The following EML6 variants were observed in gnomAD, a reference collection of about 807,000 sequenced individuals.
EML6 encodes echinoderm microtubule-associated protein-like 6.
A neutral mutation model predicts 240.1 loss-of-function variants in EML6; 154 were observed. The observed-to-expected ratio is 0.64, with a 90% CI of 0.56 to 0.73. EML6 has a LOEUF of 0.73. Ranked by LOEUF, EML6 falls within the 30% of genes least tolerant of loss-of-function variation. The pLI is 0.00. For synonymous variants in EML6, 1,148 were observed against 899.0 expected, an observed-to-expected ratio of 1.28 and a Z score of -4.95; for missense variants, 2,964 against 2,474.6, an observed-to-expected ratio of 1.20 and a Z score of -4.20.
At chr2:54,895,432 C>T in intron 21 of EML6, 32 bp downstream of exon 21, 4 of 1,549,390 alleles carry the variant, frequency 2.6e-6, no homozygotes, top group African/African-American at 2.7e-5. Context: ...AACTGCAGTT[C>T]ACATCAAGGC....
intron 7 of EML6, among the ~76,000 whole-genome samples, chr2:54,837,600 G>A (rs572049896): frequency 2.6e-5 from 4 of 152,264 alleles, no homozygotes; most frequent in African/African-American, 4.8e-5. Flanking sequence ...TGGGCTTTCC[G>A]ATCCAGTGGG....
At chr2:54,909,102 A>C (rs1673502719) in intron 24 of EML6, among the ~76,000 whole-genome samples, 1 of 152,228 alleles carries the variant, frequency 6.6e-6, no homozygotes, top group Non-Finnish European at 1.5e-5. Context: ...GTTGGGATTT[A>C]TCTGAGGATT....
intron 27 of EML6, 52 bp downstream of exon 27, chr2:54,928,566 C>T: frequency 6.4e-7 from 1 of 1,551,254 alleles, no homozygotes; most frequent in Non-Finnish European, 8.7e-7. Flanking sequence ...CCTCCCAACA[C>T]CTCCCTTCCT....
intron 2 of EML6, among the ~76,000 whole-genome samples, chr2:54,794,861 T>C (rs1669669440): frequency 2.0e-5 from 3 of 152,224 alleles, no homozygotes; most frequent in South Asian, 4.1e-4. Flanking sequence ...GTAGCTTCAG[T>C]AGGTTCTGGT....
chr2:54,840,856 T>C (rs751933814), intron 7 of EML6, among the ~76,000 whole-genome samples: 2 of 152,228 alleles, frequency 1.3e-5, no homozygotes, highest in Non-Finnish European at 2.9e-5. Flanking sequence ...ATTATTTGTT[T>C]TTTGCTGATG....
intron 31 of EML6, among the ~76,000 whole-genome samples, chr2:54,953,757 C>T (rs1015041309): frequency 3.3e-5 from 5 of 151,824 alleles, no homozygotes; most frequent in African/African-American, 9.7e-5. Context: ...TGTGGTGGTG[C>T]GTGCCTGTAA....
At chr2:54,807,782 A>G (rs1670576282) in intron 2 of EML6, among the ~76,000 whole-genome samples, 1 of 152,254 alleles carries the variant, frequency 6.6e-6, no homozygotes, top group East Asian at 1.9e-4. Context: ...AATACCTAAC[A>G]GTGGCTGTGA....
chr2:54,817,730 G>A (rs1295176079), intron 4 of EML6, among the ~76,000 whole-genome samples: 2 of 152,052 alleles, frequency 1.3e-5, no homozygotes, highest in Non-Finnish European at 2.9e-5. Context: ...CTGGGCTGTG[G>A]GTTGGACAAG....
At chr2:54,785,840 A>G (rs1669058225) in intron 2 of EML6, among the ~76,000 whole-genome samples, 1 of 152,042 alleles carries the variant, frequency 6.6e-6, no homozygotes, top group Admixed American at 6.6e-5. Context: ...CAAATCTCCA[A>G]AAAAATGTTT....
chr2:54,912,373 T>G (rs913421530), intron 25 of EML6, among the ~76,000 whole-genome samples: 1 of 152,230 alleles, frequency 6.6e-6, no homozygotes, highest in African/African-American at 2.4e-5. Flanking sequence ...GGTAATTTGT[T>G]GACTGCCAGA....
At chr2:54,892,264 A>G in intron 18 of EML6, among the ~76,000 whole-genome samples, 190 bp from the exon 19 acceptor site, 1 of 152,146 alleles carries the variant, frequency 6.6e-6, no homozygotes, top group East Asian at 1.9e-4. Flanking sequence ...GATTCAGTAA[A>G]CACTGAGTTA....
chr2:54,949,656 C>T (rs1675873763), intron 29 of EML6, among the ~76,000 whole-genome samples: 1 of 152,194 alleles, frequency 6.6e-6, no homozygotes, highest in Non-Finnish European at 1.5e-5. Flanking sequence ...TATACATCTT[C>T]CATGCCTCAT....
chr2:54,808,510 C>CT (rs1236671010), intron 2 of EML6, among the ~76,000 whole-genome samples: 7,136 of 146,732 alleles, frequency 0.049, 534 homozygotes, highest in African/African-American at 0.16. Flanking sequence ...CCTGGTGAGA[C>CT]TTTTTTTTTT....
Position 54,970,408 on chromosome 2 carries a change from T to A in EML6, c.*313T>A. ...TCTGATAATGTAGCCCGCTGACGAA[T>A]TTTGAAGCCTCGGTTACCCTAACCA... On this transcript the variant is annotated 3_prime_UTR_variant, in exon 42 of 42. Coordinates refer to ENST00000356458, the MANE Select transcript of EML6 (RefSeq NM_001039753.4). The A allele has an allele frequency of 2.9e-6, 1 of 346,594 alleles. No homozygotes were observed. Among genetic ancestry groups the A allele is most frequent in the East Asian group, 4.6e-5 (1 of 21,510 alleles). The allele number at this position is 346,594 out of a possible 1,614,324, so 21.5% of individuals were successfully genotyped here.
intron 2 of EML6, among the ~76,000 whole-genome samples, chr2:54,746,242 T>C (rs947776322): frequency 2.6e-5 from 4 of 152,230 alleles, no homozygotes; most frequent in Non-Finnish European, 4.4e-5. Flanking sequence ...GCACCTATTC[T>C]GGGAGATTCA....
intron 12 of EML6, among the ~76,000 whole-genome samples, chr2:54,861,213 C>T (rs1255763415): frequency 6.6e-6 from 1 of 152,210 alleles, no homozygotes; most frequent in African/African-American, 2.4e-5. Context: ...AGTGATAAAT[C>T]TAAGCCTACC....
intron 11 of EML6, among the ~76,000 whole-genome samples, chr2:54,855,458 G>GCCC (rs11297060): frequency 1.0e-4 from 13 of 124,194 alleles, no homozygotes; most frequent in African/African-American, 3.6e-4. Context: ...CTTCTACCAT[G>GCCC]CCCCCCCCCC....
intron 26 of EML6, among the ~76,000 whole-genome samples, chr2:54,926,226 C>G (rs764144713): frequency 1.3e-5 from 2 of 152,174 alleles, no homozygotes; most frequent in African/African-American, 4.8e-5. Context: ...CTCAGCCTCC[C>G]AAGTAGCTTG....
intron 32 of EML6, among the ~76,000 whole-genome samples, chr2:54,956,769 A>C (rs1676254559): frequency 6.6e-6 from 1 of 152,222 alleles, no homozygotes; most frequent in African/African-American, 2.4e-5. Flanking sequence ...GATGAGAACG[A>C]AGAAGAAAAA....
Sources: allele counts gnomAD v4.1 joint callset (sites outside exome capture counted in the v4.1 genomes callset), GRCh38; gene constraint gnomAD v4.1.1; transcripts MANE v1.5; gene names NCBI Gene and HGNC (gene_info 2026-07-23, HGNC 2026-07-21).